EYS: variants seen among roughly 807,000 people sequenced by gnomAD.
EYS encodes the protein EGF-like photoreceptor maintenance factor, also known as protein eyes shut homolog.
Under a neutral mutation model 282.1 loss-of-function variants are expected in EYS, and 250 were observed. The observed-to-expected ratio is 0.89, with a 90% CI of 0.80 to 0.98. The LOEUF (loss-of-function observed/expected upper bound fraction) is 0.98. EYS is among the 50% of genes least tolerant of loss of function. The pLI is 0.00. For synonymous variants in EYS, 1,355 were observed against 1,282.9 expected, an observed-to-expected ratio of 1.06 and a Z score of -1.20; for missense variants, 4,016 against 3,709.0, an observed-to-expected ratio of 1.08 and a Z score of -2.15.
At chr6:65,473,847 CAAA>C (rs377100286) in intron 5 of EYS, among the ~76,000 whole-genome samples, 3 of 117,832 alleles carry the variant, frequency 2.5e-5, no homozygotes, top group Non-Finnish European at 1.8e-5. Context: ...ATTTTTGTCT[CAAA>C]AAAAAAAAAA....
intron 22 of EYS, among the ~76,000 whole-genome samples, chr6:64,739,010 AG>A: frequency 6.6e-6 from 1 of 152,264 alleles, no homozygotes; most frequent in East Asian, 1.9e-4. Flanking sequence ...AGTCTCCCAA[AG>A]TGCTGGGATT....
chr6:64,901,395 A>T (rs187354248), intron 18 of EYS, among the ~76,000 whole-genome samples: 2 of 151,282 alleles, frequency 1.3e-5, no homozygotes, highest in Admixed American at 6.6e-5. Context: ...TAAACTTCAT[A>T]TTATTATAAG....
chr6:63,856,573 T>C (rs1262720606), intron 36 of EYS, among the ~76,000 whole-genome samples: 2 of 152,172 alleles, frequency 1.3e-5, no homozygotes, highest in East Asian at 1.9e-4. Context: ...TCCCTAGGAA[T>C]TGAGATGTAA....
intron 26 of EYS, among the ~76,000 whole-genome samples, chr6:64,562,081 C>A (rs1345696390): frequency 6.6e-6 from 1 of 151,658 alleles, no homozygotes; most frequent in East Asian, 1.9e-4. Flanking sequence ...CTTATTTGTT[C>A]TTTTATTCAA....
At chr6:64,062,065 G>C (rs1175827549) in intron 33 of EYS, among the ~76,000 whole-genome samples, 1 of 152,088 alleles carries the variant, frequency 6.6e-6, no homozygotes, top group African/African-American at 2.4e-5. Flanking sequence ...GATGAAAAAG[G>C]AACCTAACTC....
At chr6:64,040,083 C>T (rs780470610) in intron 33 of EYS, among the ~76,000 whole-genome samples, 1 of 152,158 alleles carries the variant, frequency 6.6e-6, no homozygotes, top group Non-Finnish European at 1.5e-5. Context: ...GTAACTTAAT[C>T]AGTTCCAAGT....
chr6:64,337,830 C>A (rs1770911895), intron 29 of EYS, among the ~76,000 whole-genome samples: 1 of 151,990 alleles, frequency 6.6e-6, no homozygotes, highest in African/African-American at 2.4e-5. Context: ...TTAACATACA[C>A]AAGTCAATAA....
intron 19 of EYS, among the ~76,000 whole-genome samples, chr6:64,830,973 G>A (rs9342434): frequency 0.14 from 20,579 of 151,874 alleles, 1,719 homozygotes; most frequent in East Asian, 0.44. Flanking sequence ...GAGTGAAGGC[G>A]ACTCAGTATG....
At chr6:65,036,912 A>G (rs976728028) in intron 13 of EYS, among the ~76,000 whole-genome samples, 3 of 152,014 alleles carry the variant, frequency 2.0e-5, no homozygotes, top group Non-Finnish European at 4.4e-5. Context: ...GACTTCTCAA[A>G]GAACTTAAAA....
intron 1 of EYS, among the ~76,000 whole-genome samples, chr6:65,680,120 C>T: frequency 8.7e-6 from 1 of 114,540 alleles, no homozygotes; most frequent in Admixed American, 8.5e-5. Context: ...ACACACAAAG[C>T]AAATGTTCTC....
chr6:65,592,186 A>G (rs1457467281), intron 2 of EYS, among the ~76,000 whole-genome samples: 1 of 152,012 alleles, frequency 6.6e-6, no homozygotes, highest in Non-Finnish European at 1.5e-5. Context: ...CTAAAAAATG[A>G]ACATTTTCAT....
intron 2 of EYS, among the ~76,000 whole-genome samples, chr6:65,597,746 T>C (rs1220002379): frequency 6.6e-6 from 1 of 151,722 alleles, no homozygotes; most frequent in South Asian, 2.1e-4. Flanking sequence ...TTATTTAGGT[T>C]CCTTGAAAGC....
At chr6:65,024,693 A>T (rs1772348036) in intron 13 of EYS, among the ~76,000 whole-genome samples, 1 of 152,204 alleles carries the variant, frequency 6.6e-6, no homozygotes, top group Admixed American at 6.5e-5. Context: ...GATAAATATG[A>T]TTCCATTGTT....
In EYS at chr6:64,571,419, C is replaced by G. The variant is rs375353816; in HGVS notation, c.5644+18804G>C. Among the ~76,000 whole-genome samples the G allele has an allele frequency of 3.3e-5, 5 of 152,166 alleles. No homozygotes were observed. The South Asian group carries it at 8.3e-4, about 25-fold the overall frequency. On this transcript the variant is annotated intron_variant, in intron 26 of 42. Coordinates refer to ENST00000503581, the MANE Select transcript of EYS (RefSeq NM_001142800.2). ...AAAACCAGCAGAAGACAAGAAATAACTAAGATCAGAGCAGAACTGAAGGAA... is the reference window on the plus strand; with the variant it reads ...AAAACCAGCAGAAGACAAGAAATAAGTAAGATCAGAGCAGAACTGAAGGAA...
Position 64,456,805 on chromosome 6 carries a change from T to C in EYS, c.5645-17453A>G, listed in dbSNP as rs1056779787. 2.6e-5 allele frequency among the ~76,000 whole-genome samples: 4 copies of C among 152,138 alleles called. No individual in the cohort carries two copies. The South Asian group carries it at 6.2e-4, about 24-fold the overall frequency. The stretch of plus-strand genomic sequence containing the variant: ...CTGTGGTACATAAAAGTCTCTCATT[T>C]CCCATTATTAAAAAAACAGCTCACA... On this transcript the variant is annotated intron_variant, in intron 26 of 42. Coordinates refer to ENST00000503581, the MANE Select transcript of EYS (RefSeq NM_001142800.2).
At chr6:64,373,210 A>G (rs974817908) in intron 29 of EYS, among the ~76,000 whole-genome samples, 2 of 151,930 alleles carry the variant, frequency 1.3e-5, no homozygotes, top group Non-Finnish European at 2.9e-5. Context: ...TCAATCTTTG[A>G]AGTTGCTGTC....
At chr6:63,873,558 G>T (rs1772876157) in intron 35 of EYS, among the ~76,000 whole-genome samples, 1 of 152,160 alleles carries the variant, frequency 6.6e-6, no homozygotes, top group African/African-American at 2.4e-5. Context: ...TCTAGTTCTA[G>T]ATCCTTGAGG....
At chr6:65,545,849 T>C (rs374159494) in intron 2 of EYS, among the ~76,000 whole-genome samples, 2 of 152,112 alleles carry the variant, frequency 1.3e-5, no homozygotes, top group African/African-American at 2.4e-5. Flanking sequence ...GATTAGATAA[T>C]TATGCAAGAT....
chr6:65,109,656 A>AT (rs36109098), intron 12 of EYS, among the ~76,000 whole-genome samples: 5,968 of 120,262 alleles, frequency 0.05, 167 homozygotes, highest in Middle Eastern at 0.083. Context: ...AACTCCTTAC[A>AT]TAAAAAAAAA....
Sources: gnomAD v4.1 joint callset for allele counts (sites outside exome capture counted in the v4.1 genomes callset) on GRCh38, gnomAD v4.1.1 for gene constraint, MANE v1.5 for transcripts, NCBI Gene and HGNC (gene_info 2026-07-23, HGNC 2026-07-21) for gene names.